ZBBX: variants seen among roughly 807,000 people sequenced by gnomAD.
The protein encoded by ZBBX is zinc finger B-box domain containing.
A neutral mutation model predicts 108.5 loss-of-function variants in ZBBX; 101 were observed. The ratio of observed to expected loss-of-function variants is 0.93; its 90% CI spans 0.79 to 1.10. The LOEUF is 1.10. Among genes scored for constraint, ZBBX ranks in the 50% least tolerant of loss-of-function variants. The pLI is 0.00. For missense variants in ZBBX, 1,009 were observed against 941.4 expected (o/e 1.07, Z -0.94); for synonymous variants, 356 against 323.4 (o/e 1.10, Z -1.08).
chr3:167,387,676 C>A (rs561714242), intron 1 of ZBBX, among the ~76,000 whole-genome samples: 1 of 151,872 alleles, frequency 6.6e-6, no homozygotes, highest in Non-Finnish European at 1.5e-5. Context: ...CATACAATTC[C>A]GTGAAGGGAA....
chr3:167,365,969 C>A lies in ZBBX; in HGVS notation c.190G>T (p.Glu64Ter). The change falls in exon 6 of 22, where the codon GAG becomes TAG. Residue 64 changes from glutamate (E) to a stop codon, truncating the protein, a stop_gained. Transcript: ENST00000675490. LOFTEE classifies it high-confidence loss of function. ...NKEKEDRESS[E>*]YYWKSGKVGK... ...ACTTTTCCAGATTTCCAGTAATACT[C>A]GCTTGACCTTTAATATATATAAACA... The A allele has an allele frequency of 6.2e-7, 1 of 1,604,122 alleles. No individual in the cohort carries two copies. Among genetic ancestry groups the A allele is most frequent in the South Asian group, 1.1e-5 (1 of 90,218 alleles).
At chr3:167,400,393 G>A (rs1577148699) in intron 1 of ZBBX, among the ~76,000 whole-genome samples, 1 of 151,852 alleles carries the variant, frequency 6.6e-6, no homozygotes, top group South Asian at 2.1e-4. Context: ...TTAATAATAG[G>A]CATTCTTACT....
At chr3:167,401,639 G>A (rs967091073) in intron 1 of ZBBX, among the ~76,000 whole-genome samples, 1 of 152,182 alleles carries the variant, frequency 6.6e-6, no homozygotes, top group Non-Finnish European at 1.5e-5. Flanking sequence ...GAGTGTAGCA[G>A]TGAGGACAAC....
intron 16 of ZBBX, 36 bp from the exon 17 acceptor site, chr3:167,305,986 T>C (rs1576949065): frequency 2.8e-6 from 4 of 1,415,946 alleles, no homozygotes; most frequent in Non-Finnish European, 3.7e-6. Flanking sequence ...GGTACATAAA[T>C]AAATTTAAAC....
the ZBBX span, among the ~76,000 whole-genome samples, chr3:167,223,419 T>C: frequency 1.3e-5 from 2 of 152,130 alleles, no homozygotes; most frequent in Admixed American, 6.6e-5. Flanking sequence ...TTGGGATAGA[T>C]ATTCTGGAAA....
chr3:167,397,025 A>AT (rs973084949), intron 1 of ZBBX, among the ~76,000 whole-genome samples: 2 of 150,692 alleles, frequency 1.3e-5, no homozygotes, highest in African/African-American at 4.9e-5. Context: ...GGCATTGCTC[A>AT]TTTTTTTCCC....
chr3:167,400,711 G>C (rs1382606953), intron 1 of ZBBX, among the ~76,000 whole-genome samples: 1 of 151,976 alleles, frequency 6.6e-6, no homozygotes, highest in Non-Finnish European at 1.5e-5. Context: ...ATGCACCAGA[G>C]CACAGCTTGG....
At chr3:167,276,148 G>A (rs1271703614) in intron 20 of ZBBX, among the ~76,000 whole-genome samples, 2 of 152,074 alleles carry the variant, frequency 1.3e-5, no homozygotes, top group Non-Finnish European at 2.9e-5. Context: ...TCATCAAACA[G>A]AGCAGAAAAA....
At chr3:167,224,628 T>C in the ZBBX span, among the ~76,000 whole-genome samples, 16 of 152,068 alleles carry the variant, frequency 1.1e-4, no homozygotes, top group African/African-American at 3.9e-4. Flanking sequence ...CCATCGTTAA[T>C]AGCAAAATAA....
chr3:167,217,362 A>G, the ZBBX span, among the ~76,000 whole-genome samples: 1 of 152,198 alleles, frequency 6.6e-6, no homozygotes, highest in African/African-American at 2.4e-5. Context: ...ATCATATGAA[A>G]AAAAGTTCAA....
chr3:167,233,100 T>C, the ZBBX span, among the ~76,000 whole-genome samples: 2 of 151,800 alleles, frequency 1.3e-5, no homozygotes, highest in African/African-American at 4.8e-5. Context: ...GCCTATGGCA[T>C]ACCAGACCCA....
chr3:167,294,923 A>T (rs535863717), intron 18 of ZBBX, among the ~76,000 whole-genome samples: 1 of 152,210 alleles, frequency 6.6e-6, no homozygotes, highest in South Asian at 2.1e-4. Context: ...TTATGCAGCC[A>T]ACAAACAAAC....
intron 9 of ZBBX, among the ~76,000 whole-genome samples, chr3:167,348,035 A>G (rs1741789245): frequency 6.6e-6 from 1 of 151,934 alleles, no homozygotes. Flanking sequence ...TATATTCTAC[A>G]ATGAGATTTA....
At chr3:167,320,032 G>A (rs1736162300) in intron 12 of ZBBX, among the ~76,000 whole-genome samples, 1 of 151,738 alleles carries the variant, frequency 6.6e-6, no homozygotes, top group African/African-American at 2.4e-5. Context: ...GCACGTGTGT[G>A]TGTGTGTACT....
chr3:167,220,544 G>C, the ZBBX span, among the ~76,000 whole-genome samples: 4 of 151,884 alleles, frequency 2.6e-5, no homozygotes, highest in Non-Finnish European at 4.4e-5. Context: ...ATCCCATTAT[G>C]ATGAAAACCC....
chr3:167,354,832 C>G (rs1036978378), intron 8 of ZBBX, among the ~76,000 whole-genome samples: 1 of 151,876 alleles, frequency 6.6e-6, no homozygotes, highest in Non-Finnish European at 1.5e-5. Flanking sequence ...TAACAACATA[C>G]TTTTAGTAAA....
chr3:167,397,769 G>A (rs1748296673), intron 1 of ZBBX, among the ~76,000 whole-genome samples: 1 of 146,756 alleles, frequency 6.8e-6, no homozygotes, highest in Non-Finnish European at 1.5e-5. Flanking sequence ...CTTTCAAAAG[G>A]AAAAATGTCC....
chr3:167,255,445 GA>G (rs1266261784), intron 20 of ZBBX, among the ~76,000 whole-genome samples: 2 of 151,586 alleles, frequency 1.3e-5, no homozygotes, highest in East Asian at 3.9e-4. Context: ...TTTTCACTAA[GA>G]AAAAAATAAA....
the ZBBX span, among the ~76,000 whole-genome samples, chr3:167,191,463 A>G: frequency 1.3e-5 from 2 of 152,056 alleles, no homozygotes; most frequent in Admixed American, 6.5e-5. Context: ...ACCCAGTGGG[A>G]GGTGATTAAA....
Sources: allele counts gnomAD v4.1 joint callset (sites outside exome capture counted in the v4.1 genomes callset), GRCh38; gene constraint gnomAD v4.1.1; transcripts MANE v1.5; gene names NCBI Gene and HGNC (gene_info 2026-07-23, HGNC 2026-07-21).